Variants in PCCA observed in about 807,000 individuals in gnomAD.
PCCA encodes the protein propionyl-CoA carboxylase alpha chain, mitochondrial.
Under a neutral mutation model 101.3 loss-of-function variants are expected in PCCA, and 74 were observed. That is an observed-to-expected ratio of 0.73 (90% CI 0.61 to 0.89). The LOEUF (loss-of-function observed/expected upper bound fraction) is 0.89. PCCA is among the 40% of genes least tolerant of loss of function. PCCA has a pLI of 0.00. For synonymous variants in PCCA, 294 were observed against 313.6 expected (o/e 0.94, Z 0.66); for missense variants, 891 against 907.0 (o/e 0.98, Z 0.23).
At chr13:100,095,688 G>A (rs535359039) in intron 1 of PCCA, among the ~76,000 whole-genome samples, 1 of 152,320 alleles carries the variant, frequency 6.6e-6, no homozygotes, top group South Asian at 2.1e-4. Context: ...ATTGCATTTG[G>A]CATAATTAAG....
intron 6 of PCCA, among the ~76,000 whole-genome samples, chr13:100,190,740 T>C (rs1415650963): frequency 6.6e-6 from 1 of 152,008 alleles, no homozygotes; most frequent in Non-Finnish European, 1.5e-5. Flanking sequence ...GGCATGAGGA[T>C]TGCTTGAGCC....
intron 7 of PCCA, among the ~76,000 whole-genome samples, chr13:100,210,067 G>T (rs574267673): frequency 6.6e-6 from 1 of 152,002 alleles, no homozygotes; most frequent in South Asian, 2.1e-4. Flanking sequence ...TGATCCTCTC[G>T]CCATGACTCA....
chr13:100,098,120 G>A (rs578207710), intron 1 of PCCA, among the ~76,000 whole-genome samples: 1 of 152,056 alleles, frequency 6.6e-6, no homozygotes, highest in Admixed American at 6.5e-5. Context: ...AAGCCTAGGA[G>A]TTAGAGGCTG....
chr13:100,099,641 AT>A (rs1172668312), intron 1 of PCCA, among the ~76,000 whole-genome samples: 1 of 151,276 alleles, frequency 6.6e-6, no homozygotes, highest in South Asian at 2.1e-4. Flanking sequence ...TTAAGAAAGG[AT>A]TTTTTTCCAG....
At chr13:100,108,830 C>G (rs1456872875) in intron 2 of PCCA, among the ~76,000 whole-genome samples, 1 of 152,210 alleles carries the variant, frequency 6.6e-6, no homozygotes, top group African/African-American at 2.4e-5. Flanking sequence ...CAGTGGTTGC[C>G]TTTTGGGCAG....
chr13:100,292,965 T>TGTC lies in PCCA; in HGVS notation c.1066-8495_1066-8494insGTC, dbSNP rs1595156115. Among the ~76,000 whole-genome samples the TGTC allele has an allele frequency of 5.1e-3, 270 of 53,322 alleles. 3 individuals are homozygous for TGTC. The highest frequency in any genetic ancestry group is 0.017 in the African/African-American group (259 of 14,834). 35.0% of individuals were successfully genotyped at this position (53,322 alleles called of 152,430 possible). A position where few individuals can be genotyped will look rare whatever the true frequency, so the allele number is the denominator to read the frequency against. On this transcript the variant is annotated intron_variant, in intron 12 of 23. Transcript: ENST00000376285. ...TGTGTGTGTGTGTGTGTGTGTCTGT[T>TGTC]TGTGTGTGTGTAATTAATAATTTCC...
At chr13:100,432,461 C>T (rs2079626020) in intron 20 of PCCA, among the ~76,000 whole-genome samples, 1 of 152,104 alleles carries the variant, frequency 6.6e-6, no homozygotes, top group African/African-American at 2.4e-5. Context: ...CTTAGAAAAA[C>T]GTGTTTGTGA....
At chr13:100,359,501 G>A (rs1281415536) in intron 18 of PCCA, among the ~76,000 whole-genome samples, 2 of 152,128 alleles carry the variant, frequency 1.3e-5, no homozygotes, top group African/African-American at 4.8e-5. Context: ...GGATAAAAAG[G>A]CAATCAAATG....
intron 19 of PCCA, among the ~76,000 whole-genome samples, chr13:100,406,856 T>C (rs2077712406): frequency 6.6e-6 from 1 of 151,644 alleles, no homozygotes; most frequent in South Asian, 2.1e-4. Context: ...TTGCTTGATA[T>C]TTGTGAACAC....
chr13:100,527,788 C>G, intron 23 of PCCA, 36 bp downstream of exon 23: 1 of 1,476,398 alleles, frequency 6.8e-7, no homozygotes, highest in Middle Eastern at 1.7e-4. Flanking sequence ...CAGGCCGGCC[C>G]TGTGATGGAG....
chr13:100,349,031 C>T (rs1318317879), intron 18 of PCCA, among the ~76,000 whole-genome samples: 1 of 152,002 alleles, frequency 6.6e-6, no homozygotes, highest in African/African-American at 2.4e-5. Context: ...CAGCCTCTGC[C>T]CGCTGGGCTC....
intron 4 of PCCA, among the ~76,000 whole-genome samples, chr13:100,128,154 A>G (rs1340365272): frequency 6.6e-6 from 1 of 152,184 alleles, no homozygotes; most frequent in South Asian, 2.1e-4. Context: ...TATAAAGCCA[A>G]TCTTCGGGTT....
At chr13:100,214,896 A>T (rs1318510412) in intron 7 of PCCA, among the ~76,000 whole-genome samples, 1 of 152,180 alleles carries the variant, frequency 6.6e-6, no homozygotes, top group Non-Finnish European at 1.5e-5. Context: ...CTTCAGTTTG[A>T]GTGACCAAAA....
chr13:100,293,737 G>A lies in PCCA; in HGVS notation c.1066-7723G>A, dbSNP rs754413682. 7.4e-4 allele frequency among the ~76,000 whole-genome samples: 113 copies of A among 152,142 alleles called. 2 individuals are homozygous for A. Among genetic ancestry groups the A allele is most frequent in the Admixed American group, 7.3e-3 (111 of 15,274 alleles). ...AGCCAGAATTGGGATGTTTTGGCAT[G>A]TTTTGTTCTGGGAAACTGAGGATAG... On this transcript the variant is annotated intron_variant, in intron 12 of 23. Transcript: ENST00000376285.
At chr13:100,213,545 A>G (rs2059348298) in intron 7 of PCCA, among the ~76,000 whole-genome samples, 1 of 152,150 alleles carries the variant, frequency 6.6e-6, no homozygotes, top group East Asian at 1.9e-4. Flanking sequence ...AGAAATGTCT[A>G]TTCAGATCTT....
At chr13:100,497,862 CTTT>C (rs999898499) in intron 21 of PCCA, among the ~76,000 whole-genome samples, 1 of 151,930 alleles carries the variant, frequency 6.6e-6, no homozygotes, top group Non-Finnish European at 1.5e-5. Context: ...GTTTTTCCTT[CTTT>C]TTTTACTTTT....
rs368434968 is a variant in PCCA at position 100,406,970 on chromosome 13, T to A, written c.1747-18663T>A. ...AGAGGACCTGTTAAAATTCTATAGC[T>A]TATTATAAACCATCTTTTGAAAAGG... On this transcript the variant is annotated intron_variant, in intron 19 of 23. Coordinates refer to ENST00000376285, the MANE Select transcript of PCCA (RefSeq NM_000282.4). 8.5e-4 allele frequency among the ~76,000 whole-genome samples: 130 copies of A among 152,306 alleles called. 3 individuals are homozygous for A. In the South Asian group the frequency reaches 0.024, roughly 28 times the overall value.
chr13:100,492,903 C>G (rs961021673), intron 21 of PCCA, among the ~76,000 whole-genome samples: 1 of 151,940 alleles, frequency 6.6e-6, no homozygotes, highest in African/African-American at 2.4e-5. Flanking sequence ...CTCCGCATCT[C>G]TCACCGAGAG....
At chr13:100,185,653 T>C (rs565792558) in intron 6 of PCCA, among the ~76,000 whole-genome samples, 40 of 151,312 alleles carry the variant, frequency 2.6e-4, no homozygotes, top group Middle Eastern at 3.5e-3. Context: ...TTTTCTTTTT[T>C]TTTTTTTTTG....
Sources: gnomAD v4.1 joint callset for allele counts (sites outside exome capture counted in the v4.1 genomes callset) on GRCh38, gnomAD v4.1.1 for gene constraint, MANE v1.5 for transcripts, NCBI Gene and HGNC (gene_info 2026-07-23, HGNC 2026-07-21) for gene names.